The following LYST variants were observed in gnomAD, a reference collection of about 807,000 sequenced individuals.
The protein encoded by LYST is lysosomal-trafficking regulator.
In LYST, 192 loss-of-function variants were observed where a neutral mutation model predicts 413.6. The observed-to-expected ratio is 0.46, with a 90% confidence interval of 0.41 to 0.52. LYST has a LOEUF of 0.52. LYST is among the 20% of genes least tolerant of loss of function. The pLI is 0.00. For synonymous variants in LYST, 1,525 were observed against 1,567.3 expected (o/e 0.97, Z 0.64); for missense variants, 3,815 against 4,499.9 (o/e 0.85, Z 4.35).
At chr1:235,871,355 G>T (rs1048234207), upstream of LYST, among the ~76,000 whole-genome samples, 1 of 152,204 alleles carries the variant, frequency 6.6e-6, no homozygotes, top group African/African-American at 2.4e-5. Flanking sequence ...AACCTGCTGT[G>T]TTACATTCCC....
At chr1:235,698,647 G>A (rs571982885) in intron 45 of LYST, among the ~76,000 whole-genome samples, 2 of 152,164 alleles carry the variant, frequency 1.3e-5, no homozygotes, top group African/African-American at 4.8e-5. Flanking sequence ...CGAGGCGGGC[G>A]GATCATGAAG....
intron 50 of LYST, among the ~76,000 whole-genome samples, chr1:235,669,772 A>G (rs773793952): frequency 1.1e-4 from 17 of 152,104 alleles, no homozygotes; most frequent in Non-Finnish European, 2.4e-4. Context: ...TTTCATTTTC[A>G]ATAAATTCCT....
intron 15 of LYST, 124 bp downstream of exon 15, chr1:235,781,803 C>T (rs1045213165): frequency 1.4e-6 from 1 of 690,784 alleles, no homozygotes; most frequent in Non-Finnish European, 2.6e-6. Flanking sequence ...GATATTTTAG[C>T]CAGGTTAATT....
chr1:235,781,967 C>T lies in LYST; in HGVS notation c.4983G>A (p.Leu1661=), dbSNP rs1482156206. The change falls in exon 15 of 53, where the codon TTG becomes TTA. Residue 1661 remains leucine (L), a synonymous_variant. Coordinates refer to ENST00000389793, the MANE Select transcript of LYST (RefSeq NM_000081.4). The part of the protein sequence containing the change: ...CLSSQEEFLQ[L]AGKWDLGNLL... ...AATTTCCCAGGTCCCATTTTCCAGC[C>T]AACTGCAAAAACTCTTCTTGGGATG... 48 of 1,613,730 alleles carry T rather than the reference C, an allele frequency of 3.0e-5. No homozygotes were observed. Among genetic ancestry groups the T allele is most frequent in the Non-Finnish European group, 3.9e-5 (46 of 1,179,844 alleles).
intron 30 of LYST, among the ~76,000 whole-genome samples, chr1:235,742,141 C>T (rs573118003): frequency 3.9e-5 from 6 of 152,010 alleles, no homozygotes; most frequent in Non-Finnish European, 5.9e-5. Context: ...TTATTGGGCA[C>T]GGAGTTTCAT....
chr1:235,770,011 A>G (rs950316333), intron 20 of LYST, 149 bp downstream of exon 20: 4 of 693,344 alleles, frequency 5.8e-6, no homozygotes, highest in Admixed American at 2.7e-5. Context: ...AAACTCCTGT[A>G]CTATTTTTTG....
At chr1:235,790,084 T>C (rs867727753) in intron 12 of LYST, among the ~76,000 whole-genome samples, 3 of 152,210 alleles carry the variant, frequency 2.0e-5, no homozygotes, top group African/African-American at 7.2e-5. Context: ...TACAAAATCA[T>C]CTTTCTAAAA....
chr1:235,783,109 G>A (rs1399144288), intron 14 of LYST, among the ~76,000 whole-genome samples: 2 of 152,092 alleles, frequency 1.3e-5, no homozygotes, highest in Non-Finnish European at 2.9e-5. Flanking sequence ...AAGATAATGA[G>A]AGTAATCTAT....
At chr1:235,746,211 AC>A (rs1665910910) in intron 29 of LYST, 124 bp downstream of exon 29, 1 of 778,650 alleles carries the variant, frequency 1.3e-6, no homozygotes, top group African/African-American at 1.7e-5. Context: ...AACTCTTAAT[AC>A]TATGGATGTT....
At chr1:235,847,253 A>G (rs1435618048) in intron 1 of LYST, among the ~76,000 whole-genome samples, 1 of 152,214 alleles carries the variant, frequency 6.6e-6, no homozygotes, top group African/African-American at 2.4e-5. Context: ...ATTATCAGCC[A>G]AGAATTTTGT....
At chr1:235,826,784 C>T (rs1269907559) in intron 3 of LYST, among the ~76,000 whole-genome samples, 1 of 152,114 alleles carries the variant, frequency 6.6e-6, no homozygotes, top group Non-Finnish European at 1.5e-5. Flanking sequence ...CAGGCTCAAG[C>T]AATCCTCTCA....
intron 26 of LYST, among the ~76,000 whole-genome samples, 189 bp from the exon 27 acceptor site, chr1:235,752,360 G>A (rs1423217526): frequency 6.6e-6 from 1 of 152,114 alleles, no homozygotes; most frequent in Non-Finnish European, 1.5e-5. Context: ...GCTAGAAATA[G>A]AAATAAGATA....
upstream of LYST, among the ~76,000 whole-genome samples, chr1:235,868,312 A>G (rs1054434825): frequency 2.0e-5 from 3 of 152,200 alleles, no homozygotes; most frequent in Non-Finnish European, 4.4e-5. Context: ...AGCAGTATAT[A>G]ATGAGCACCT....
At chr1:235,788,638 T>C in intron 13 of LYST, 63 bp downstream of exon 13, 2 of 1,495,246 alleles carry the variant, frequency 1.3e-6, no homozygotes, top group Non-Finnish European at 1.9e-6. Context: ...TTCACATTAA[T>C]GTCTCTTACA....
rs202217190 is a variant in LYST, at chr1:235,754,214, TTTTTC to T, written c.7230-945_7230-941del. On this transcript the variant is annotated intron_variant, in intron 25 of 52. Coordinates refer to ENST00000389793, the MANE Select transcript of LYST (RefSeq NM_000081.4). ...TCACTGAGAATACATGAGCTATCTT[TTTTTC>T]TTTTCTTTTCTTTTTTTTTTTTTTT... 4.3e-3 allele frequency among the ~76,000 whole-genome samples: 617 copies of T among 143,950 alleles called. 19 individuals carry two copies. The highest frequency in any genetic ancestry group is 5.6e-3 in the Non-Finnish European group (372 of 66,094). 94.4% of individuals were successfully genotyped at this position (143,950 alleles called of 152,430 possible). A position where few individuals can be genotyped will look rare whatever the true frequency, so the allele number is the denominator to read the frequency against.
At chr1:235,812,883 T>A in intron 4 of LYST, 88 bp downstream of exon 4, 1 of 797,184 alleles carries the variant, frequency 1.3e-6, no homozygotes, top group South Asian at 1.4e-5. Flanking sequence ...GTGTTCTGAA[T>A]CTGAATCAGA....
At chr1:235,716,851 T>C (rs777212992) in intron 40 of LYST, 73 bp from the exon 41 acceptor site, 4 of 849,480 alleles carry the variant, frequency 4.7e-6, no homozygotes, top group South Asian at 1.4e-5. Context: ...GATGTCTGCA[T>C]CTTGTAAGTA....
chr1:235,688,984 A>AAATAATAATAAT (rs35849101), intron 47 of LYST, among the ~76,000 whole-genome samples: 296 of 135,924 alleles, frequency 2.2e-3, no homozygotes, highest in South Asian at 8.0e-3. Context: ...ACTCCGTCTC[A>AAATAATAATAAT]AATAATAATA....
At chr1:235,746,674 G>C (rs1322779089) in intron 28 of LYST, 147 bp from the exon 29 acceptor site, 3 of 682,192 alleles carry the variant, frequency 4.4e-6, no homozygotes, top group Non-Finnish European at 7.8e-6. Flanking sequence ...GAGTGATTAA[G>C]AGAAAATGAT....
Sources: gnomAD v4.1 joint callset for allele counts (sites outside exome capture counted in the v4.1 genomes callset) on GRCh38, gnomAD v4.1.1 for gene constraint, MANE v1.5 for transcripts, NCBI Gene and HGNC (gene_info 2026-07-23, HGNC 2026-07-21) for gene names.